Variants in SNRNP70 observed in about 807,000 individuals in gnomAD.
The protein encoded by SNRNP70 is small nuclear ribonucleoprotein U1 subunit 70, also known as U1 small nuclear ribonucleoprotein 70 kDa.
A neutral mutation model predicts 50.5 loss-of-function variants in SNRNP70; 8 were observed. The observed-to-expected ratio is 0.16, with a 90% CI of 0.09 to 0.29. SNRNP70 has a LOEUF of 0.29. SNRNP70 is among the 10% of genes least tolerant of loss of function. The pLI, the probability that SNRNP70 is intolerant of heterozygous loss-of-function variation, is 1.00. For missense variants in SNRNP70, 529 were observed against 663.5 expected (o/e 0.80, Z 2.23); for synonymous variants, 320 against 252.9 (o/e 1.27, Z -2.52).
intron 8 of SNRNP70, among the ~76,000 whole-genome samples, chr19:49,105,064 C>G (rs1160922490): frequency 6.6e-6 from 1 of 152,170 alleles, no homozygotes; most frequent in Non-Finnish European, 1.5e-5. Context: ...GCTCAGTGTA[C>G]TGGGCGCCCA....
At chr19:49,096,115 T>C (rs2040510046) in intron 4 of SNRNP70, among the ~76,000 whole-genome samples, 1 of 151,346 alleles carries the variant, frequency 6.6e-6, no homozygotes, top group African/African-American at 2.4e-5. Context: ...TGGAGTTCAG[T>C]GGTATGATCT....
At chr19:49,090,408 T>G (rs905790459) in intron 3 of SNRNP70, 55 bp downstream of exon 3, 2 of 1,613,098 alleles carry the variant, frequency 1.2e-6, no homozygotes, top group South Asian at 1.1e-5. Context: ...CAGATGATCC[T>G]TGACACTAGG....
chr19:49,098,308 C>G, intron 4 of SNRNP70, 119 bp from the exon 5 acceptor site: 2 of 800,074 alleles, frequency 2.5e-6, no homozygotes, highest in South Asian at 3.3e-5. Flanking sequence ...CCATGTTCCT[C>G]CAGTTAGGGG....
At position 49,107,061 on chromosome 19, in the gene SNRNP70, G is replaced by A. The variant is rs950740791; in HGVS notation, c.578-564G>A. On this transcript the variant is annotated intron_variant, in intron 8 of 9. Coordinates refer to ENST00000598441, the MANE Select transcript of SNRNP70 (RefSeq NM_003089.6). The surrounding 1 kb of genome is among the most constrained non-coding windows in gnomAD (Gnocchi z 6.0). ...TAAGGGTGAGCGTGAGTTCACCAGAGAAGGAAGGGGAGACCAGTCCAGGGC... is the reference window on the plus strand; with the variant it reads ...TAAGGGTGAGCGTGAGTTCACCAGAAAAGGAAGGGGAGACCAGTCCAGGGC... Among the ~76,000 whole-genome samples, 3 of 152,190 alleles carry A rather than the reference G, an allele frequency of 2.0e-5. No individual in the cohort carries two copies. Among genetic ancestry groups the A allele is most frequent in the Non-Finnish European group, 4.4e-5 (3 of 68,030 alleles).
rs752677775 is a variant in SNRNP70, at chr19:49,101,487, C to T, written c.475+16C>T. On this transcript the variant is annotated intron_variant, in intron 7 of 9. Coordinates refer to ENST00000598441, the MANE Select transcript of SNRNP70 (RefSeq NM_003089.6). ...GACATGCACTGTGAGTACCTCCCGC[C>T]GAGCCCTGCCCTCTGACCTGCTCTC... The T allele has an allele frequency of 9.4e-6, 15 of 1,595,346 alleles. No homozygotes were observed. The highest frequency in any genetic ancestry group is 3.3e-5 in the Admixed American group (2 of 59,992).
intron 2 of SNRNP70, among the ~76,000 whole-genome samples, chr19:49,087,278 A>G (rs1451218479): frequency 6.6e-6 from 1 of 151,796 alleles, no homozygotes; most frequent in African/African-American, 2.4e-5. Context: ...CCTAACCCAC[A>G]CCATTTATCA....
intron 4 of SNRNP70, among the ~76,000 whole-genome samples, chr19:49,090,804 A>T (rs2040438167): frequency 6.6e-6 from 1 of 152,160 alleles, no homozygotes; most frequent in Non-Finnish European, 1.5e-5. Flanking sequence ...GCTGGGTGTC[A>T]CAGGCTGAAG....
chr19:49,106,840 A>T (rs1568423872), intron 8 of SNRNP70, among the ~76,000 whole-genome samples: 1 of 152,284 alleles, frequency 6.6e-6, no homozygotes, highest in East Asian at 1.9e-4. Context: ...TACCAGCTGC[A>T]GCGCCACCTG....
At position 49,107,958 on chromosome 19, in the gene SNRNP70, T is replaced by G; in HGVS notation, c.829T>G (p.Ser277Ala). ...RSRDKEERRR[S>A]RERSKDKDRD... The stretch of plus-strand genomic sequence containing the variant: ...TCGCGACAAGGAGGAGCGGAGGCGC[T>G]CCAGGGAGCGGAGCAAGGACAAGGA... The change falls in exon 10 of 10, where the codon TCC (serine) becomes GCC (alanine). Residue 277 changes from serine (S) to alanine (A), a missense_variant. By Grantham distance (99) the Ser-to-Ala change is moderately conservative. This residue lies in a region of SNRNP70 where 327 missense variants were observed against 308.8 expected (regional missense o/e 1.06). Transcript: ENST00000598441. This position sits in a 1 kb window ranked among gnomAD's most constrained non-coding sequence, Gnocchi z 6.0. 1 of 1,546,658 alleles carries G rather than the reference T, an allele frequency of 6.5e-7. No homozygotes were observed. Among genetic ancestry groups the G allele is most frequent in the Non-Finnish European group, 8.7e-7 (1 of 1,145,870 alleles).
intron 1 of SNRNP70, among the ~76,000 whole-genome samples, chr19:49,085,850 G>T (rs554425169): frequency 6.6e-6 from 1 of 152,260 alleles, no homozygotes; most frequent in East Asian, 1.9e-4. Flanking sequence ...GGCCCTTGCG[G>T]TGTGTGGCCT....
At chr19:49,096,594 C>T (rs1377706820) in intron 4 of SNRNP70, among the ~76,000 whole-genome samples, 2 of 150,192 alleles carry the variant, frequency 1.3e-5, no homozygotes, top group African/African-American at 2.5e-5. Context: ...AGTGAAACCC[C>T]GTCTCTACTA....
At chr19:49,098,795 C>T in intron 6 of SNRNP70, 91 bp downstream of exon 6, 3 of 1,005,202 alleles carry the variant, frequency 3.0e-6, no homozygotes, top group Non-Finnish European at 4.8e-6. Flanking sequence ...CAGCCCTGAG[C>T]ATGGCTCACA....
intron 7 of SNRNP70, chr19:49,103,086 A>AG (rs2122382573): frequency 6.6e-6 from 1 of 152,600 alleles, no homozygotes; most frequent in South Asian, 2.1e-4. Flanking sequence ...AGCTGGTGGG[A>AG]GGGAGCATGG....
intron 4 of SNRNP70, among the ~76,000 whole-genome samples, chr19:49,097,527 G>A (rs1430876605): frequency 1.3e-5 from 2 of 152,134 alleles, no homozygotes; most frequent in Non-Finnish European, 2.9e-5. Flanking sequence ...TGCAACCTCT[G>A]GCATAAATGG....
chr19:49,090,611 G>T (rs1300619447), intron 4 of SNRNP70, 91 bp downstream of exon 4: 1 of 1,221,302 alleles, frequency 8.2e-7, no homozygotes, highest in Non-Finnish European at 1.2e-6. Flanking sequence ...GTCTCCCTAA[G>T]GCCTGTGTTG....
At chr19:49,102,396 G>A (rs985975780) in intron 7 of SNRNP70, 4 of 294,286 alleles carry the variant, frequency 1.4e-5, no homozygotes, top group African/African-American at 8.7e-5. Flanking sequence ...GGGGAAGGAT[G>A]AACCTGGTGG....
intron 4 of SNRNP70, among the ~76,000 whole-genome samples, chr19:49,091,206 T>G (rs958637013): frequency 1.3e-5 from 2 of 151,914 alleles, no homozygotes; most frequent in South Asian, 2.1e-4. Flanking sequence ...CTGTCTCTAC[T>G]AAAAGTACAA....
intron 8 of SNRNP70, among the ~76,000 whole-genome samples, chr19:49,105,283 A>G (rs1418963595): frequency 3.3e-5 from 5 of 152,068 alleles, no homozygotes; most frequent in African/African-American, 1.2e-4. Flanking sequence ...TTGCTGTCTC[A>G]GGCAAGGTCA....
chr19:49,086,670 G>A, intron 2 of SNRNP70, 109 bp downstream of exon 2: 1 of 1,022,520 alleles, frequency 9.8e-7, no homozygotes. Context: ...TAAGCGAGGG[G>A]CTTAACCTTT....
Sources: allele counts gnomAD v4.1 joint callset (sites outside exome capture counted in the v4.1 genomes callset), GRCh38; gene constraint gnomAD v4.1.1; regional missense constraint gnomAD v4.1.1; non-coding constraint Gnocchi (gnomAD v3.1); transcripts MANE v1.5; gene names NCBI Gene and HGNC (gene_info 2026-07-23, HGNC 2026-07-21).